PHIP: variants seen among roughly 807,000 people sequenced by gnomAD.
The protein encoded by PHIP is PH-interacting protein.
A neutral mutation model predicts 236.8 loss-of-function variants in PHIP; 54 were observed. The ratio of observed to expected loss-of-function variants is 0.23; its 90% confidence interval spans 0.18 to 0.29. The LOEUF (loss-of-function observed/expected upper bound fraction) is 0.29, where lower values mean the gene tolerates loss of function less well. Among genes scored for constraint, PHIP ranks in the 10% least tolerant of loss-of-function variants. The pLI, the probability that PHIP is intolerant of heterozygous loss-of-function variation, is 1.00. For missense variants in PHIP, 1,370 were observed against 2,190.8 expected, an observed-to-expected ratio of 0.63 and a Z score of 7.48; for synonymous variants, 756 against 718.9, an observed-to-expected ratio of 1.05 and a Z score of -0.83.
chr6:79,064,559 C>A (rs1429668533), intron 4 of PHIP, among the ~76,000 whole-genome samples: 1 of 152,152 alleles, frequency 6.6e-6, no homozygotes, highest in African/African-American at 2.4e-5. Flanking sequence ...TAAATCTATA[C>A]CTTATTTAAT....
At chr6:79,043,376 T>G (rs1772320439) in intron 6 of PHIP, among the ~76,000 whole-genome samples, 1 of 152,162 alleles carries the variant, frequency 6.6e-6, no homozygotes, top group East Asian at 1.9e-4. Flanking sequence ...TAGTTTTTCT[T>G]ACAAAGGCAC....
chr6:78,971,551 C>T (rs1009667030), intron 24 of PHIP, among the ~76,000 whole-genome samples: 4 of 152,150 alleles, frequency 2.6e-5, no homozygotes, highest in Admixed American at 6.5e-5. Context: ...GGAACAGCTC[C>T]GGTCTACAGC....
At chr6:78,956,841 T>G (rs1766452938) in intron 32 of PHIP, 1 of 152,072 alleles carries the variant, frequency 6.6e-6, no homozygotes, top group Non-Finnish European at 1.5e-5. Context: ...TACAATTCTC[T>G]TACTACTTGT....
chr6:78,978,633 T>C lies in PHIP; in HGVS notation c.2848A>G (p.Ile950Val), dbSNP rs781281157. ...GGCACAAATGGACATCTTCGGGGAA[T>C]GGTATCTGTAATCCATGTTGATGGC... is the stretch of plus-strand genomic sequence containing the variant. The part of the protein sequence containing the change: ...WLPSTWITDT[I>V]PRRCPFVPQM... The change falls in exon 24 of 40, where the codon ATT becomes GTT. Residue 950 changes from isoleucine to valine, a missense_variant. This residue lies in a region of PHIP where 238 missense variants were observed against 398.5 expected (regional missense o/e 0.60). Transcript: ENST00000275034. 13 of 1,593,576 alleles carry C rather than the reference T, an allele frequency of 8.2e-6. No individual in the cohort carries two copies. The highest frequency in any genetic ancestry group is 1.7e-5 in the Admixed American group (1 of 59,728).
At chr6:78,995,778 G>A (rs1769568844) in intron 19 of PHIP, among the ~76,000 whole-genome samples, 1 of 152,164 alleles carries the variant, frequency 6.6e-6, no homozygotes, top group African/African-American at 2.4e-5. Flanking sequence ...TGTTGGGTAT[G>A]TCATTGGATT....
rs896283947 is a variant in PHIP, at chr6:78,937,593, T to C, written c.*3100A>G. 7 of 151,748 alleles carry C rather than the reference T, an allele frequency of 4.6e-5. No individual in the cohort carries two copies. The highest frequency in any genetic ancestry group is 7.4e-5 in the Non-Finnish European group (5 of 67,654). The allele number at this position is 151,748 out of a possible 1,614,324, so 9.4% of individuals were successfully genotyped here. On this transcript the variant is annotated 3_prime_UTR_variant, in exon 40 of 40. Coordinates refer to ENST00000275034, the MANE Select transcript of PHIP (RefSeq NM_017934.7). ...ACAAATATTCCACATACTTATTTACTTGGATTGGAGGAAGACAGTTTTATA... is the reference window on the plus strand; with the variant it reads ...ACAAATATTCCACATACTTATTTACCTGGATTGGAGGAAGACAGTTTTATA...
Position 79,015,425 on chromosome 6 carries a change from T to TA in PHIP, c.1389+204dup, listed in dbSNP as rs533473784. ...GCTTGGTGGATGGATCTTTTCATAT[T>TA]AAAAAAACAGCAAATATCTACTATA... On this transcript the variant is annotated intron_variant, in intron 14 of 39. Coordinates refer to ENST00000275034, the MANE Select transcript of PHIP (RefSeq NM_017934.7). 6.3e-3 allele frequency among the ~76,000 whole-genome samples: 962 copies of TA among 151,794 alleles called. 19 individuals are homozygous for TA. The highest frequency in any genetic ancestry group is 0.022 in the African/African-American group (905 of 41,476).
intron 19 of PHIP, among the ~76,000 whole-genome samples, chr6:78,997,020 T>A (rs1011161793): frequency 4.0e-5 from 6 of 151,314 alleles, no homozygotes; most frequent in Middle Eastern, 3.4e-3. Flanking sequence ...CAATTTATTT[T>A]TTTTTTGCAT....
intron 7 of PHIP, among the ~76,000 whole-genome samples, chr6:79,029,012 T>C (rs958322164): frequency 3.9e-5 from 6 of 152,358 alleles, no homozygotes; most frequent in Admixed American, 3.9e-4. Context: ...ATATTCCTAC[T>C]GGGTTTATCA....
At chr6:79,012,408 ATTAT>A (rs1349795734) in intron 15 of PHIP, among the ~76,000 whole-genome samples, 2 of 151,744 alleles carry the variant, frequency 1.3e-5, no homozygotes, top group African/African-American at 2.4e-5. Context: ...CACATGAAAT[ATTAT>A]TTAATCTTAA....
intron 24 of PHIP, among the ~76,000 whole-genome samples, chr6:78,971,949 G>A (rs1289292536): frequency 1.3e-5 from 2 of 152,212 alleles, no homozygotes; most frequent in African/African-American, 4.8e-5. Flanking sequence ...CGAGGCTGGG[G>A]GAGGGGCGCC....
chr6:78,963,173 A>C lies in PHIP; in HGVS notation c.3459T>G (p.Asp1153Glu), dbSNP rs1161292781. The change falls in exon 30 of 40, where the codon GAT (aspartate) becomes GAG (glutamate). Residue 1153 changes from aspartate (D) to glutamate (E), a missense_variant. Transcript: ENST00000275034. ...CCCTGGGATTGGTACCCCATTCTCC[A>C]TCAAGAGGTTTATAGATTAGTGATC... ...ECRSLIYKPL[D>E]GEWGTNPRDE... 6.2e-7 allele frequency: 1 copy of C among 1,612,000 alleles called. No individual in the cohort carries two copies. The highest frequency in any genetic ancestry group is 1.3e-5 in the African/African-American group (1 of 74,932).
chr6:78,960,102 A>G (rs1766678948), intron 31 of PHIP, among the ~76,000 whole-genome samples: 1 of 152,180 alleles, frequency 6.6e-6, no homozygotes, highest in Admixed American at 6.6e-5. Flanking sequence ...ACAAGCCCAG[A>G]AAAAGATGAA....
intron 24 of PHIP, among the ~76,000 whole-genome samples, chr6:78,977,264 A>T (rs1379220488): frequency 6.6e-6 from 1 of 151,436 alleles, no homozygotes; most frequent in African/African-American, 2.4e-5. Context: ...TTCTCAGTAA[A>T]CTATTGCAAG....
chr6:79,034,366 G>A (rs954415165), intron 7 of PHIP, among the ~76,000 whole-genome samples: 1 of 152,064 alleles, frequency 6.6e-6, no homozygotes, highest in Non-Finnish European at 1.5e-5. Context: ...TTTATGACGT[G>A]GCTTTCTACT....
chr6:78,954,823 A>C lies in PHIP; in HGVS notation c.4044T>G (p.Leu1348=). 6.3e-7 allele frequency: 1 copy of C among 1,579,196 alleles called. No homozygotes were observed. The highest frequency in any genetic ancestry group is 1.2e-5 in the South Asian group (1 of 84,994). The change falls in exon 35 of 40, where the codon CTT becomes CTG. Residue 1348 remains leucine (L), a synonymous_variant. Transcript: ENST00000275034. The part of the protein sequence containing the change: ...SEPFRQPVDL[L]EYPDYRDIID... ...TTTCAAAAATACTTACTGGATATTC[A>C]AGGAGATCTACCGGCTGACGGAAAG...
At chr6:79,076,611 A>G (rs952139512) in intron 4 of PHIP, among the ~76,000 whole-genome samples, 1 of 152,218 alleles carries the variant, frequency 6.6e-6, no homozygotes, top group Non-Finnish European at 1.5e-5. Context: ...TTTTTAAGCT[A>G]TTAAACAAAA....
intron 31 of PHIP, among the ~76,000 whole-genome samples, chr6:78,959,000 T>C (rs1412682938): frequency 6.6e-6 from 1 of 152,108 alleles, no homozygotes; most frequent in Non-Finnish European, 1.5e-5. Context: ...ACAAGTAATT[T>C]TAATCTAATT....
chr6:78,978,796 T>A lies in PHIP; in HGVS notation c.2770-85A>T, dbSNP rs958096029. 6 of 1,092,018 alleles carry A rather than the reference T, an allele frequency of 5.5e-6. No individual in the cohort carries two copies. In the African/African-American group the frequency reaches 9.5e-5, roughly 17 times the overall value. The allele number at this position is 1,092,018 out of a possible 1,614,324, so 67.6% of individuals were successfully genotyped here. ...CTACTCTTTAAAATAACTATAAAGA[T>A]AATTAAATAAAAGGGGAAGGGCACC... On this transcript the variant is annotated intron_variant, in intron 23 of 39. Transcript: ENST00000275034.
Sources: gnomAD v4.1 joint callset for allele counts (sites outside exome capture counted in the v4.1 genomes callset) on GRCh38, gnomAD v4.1.1 for gene constraint, gnomAD v4.1.1 regional missense constraint, MANE v1.5 for transcripts, NCBI Gene and HGNC (gene_info 2026-07-23, HGNC 2026-07-21) for gene names.